The following DMD variants were observed in gnomAD, a reference collection of about 807,000 sequenced individuals.
DMD encodes the protein dystrophin, also known as mutant dystrophin.
DMD carries 63 observed loss-of-function variants against 330.1 expected under a neutral mutation model. The observed-to-expected ratio is 0.19, with a 90% CI of 0.16 to 0.24. The LOEUF (loss-of-function observed/expected upper bound fraction) is 0.24, where lower values mean the gene tolerates loss of function less well. Among genes scored for constraint, DMD ranks in the 10% least tolerant of loss-of-function variants. DMD has a pLI of 1.00. For synonymous variants in DMD, 1,223 were observed against 959.8 expected (o/e 1.27, Z -5.07); for missense variants, 3,344 against 2,684.1 (o/e 1.25, Z -5.43).
chrX:32,520,710 C>T (rs1335021969), intron 17 of DMD, among the ~76,000 whole-genome samples: 1 of 111,660 alleles, frequency 9.0e-6, no homozygotes, highest in Non-Finnish European at 1.9e-5. Flanking sequence ...TATTTCACTT[C>T]CCTACTTTGT....
intron 7 of DMD, among the ~76,000 whole-genome samples, chrX:32,792,990 C>A (rs1262923786): frequency 8.9e-6 from 1 of 112,244 alleles, no homozygotes; most frequent in East Asian, 2.8e-4. Context: ...ATTCCTTCAA[C>A]AGTCATACAC....
chrX:32,745,536 T>C (rs1480889065), intron 7 of DMD, among the ~76,000 whole-genome samples: 3 of 112,449 alleles, frequency 2.7e-5, no homozygotes, highest in South Asian at 3.6e-4. Context: ...GGTGAGACAC[T>C]GTAATGAGTT....
chrX:32,132,626 C>A (rs72626012), intron 44 of DMD, among the ~76,000 whole-genome samples: 7,892 of 110,940 alleles, frequency 0.071, 398 homozygotes, highest in Admixed American at 0.17. Flanking sequence ...CATCTTTTTT[C>A]ATCCTACTAA....
chrX:32,403,681 G>T (rs922699578), intron 30 of DMD, among the ~76,000 whole-genome samples: 1 of 111,550 alleles, frequency 9.0e-6, no homozygotes, highest in African/African-American at 3.3e-5. Flanking sequence ...GTTCTGTATA[G>T]CAACACATAG....
intron 42 of DMD, among the ~76,000 whole-genome samples, chrX:32,288,910 T>C (rs780795191): frequency 5.4e-5 from 6 of 111,346 alleles, no homozygotes; most frequent in Non-Finnish European, 1.1e-4. Flanking sequence ...CAGTGATCTC[T>C]GACTGCACCT....
intron 56 of DMD, among the ~76,000 whole-genome samples, chrX:31,505,710 T>C (rs758485791): frequency 2.7e-5 from 3 of 110,895 alleles, no homozygotes; most frequent in Non-Finnish European, 5.7e-5. Context: ...CTCGGCTCAC[T>C]GCAACCTCCA....
chrX:32,174,390 GACA>G (rs1202168453), intron 44 of DMD, among the ~76,000 whole-genome samples: 1 of 112,320 alleles, frequency 8.9e-6, no homozygotes, highest in Admixed American at 9.4e-5. Context: ...AGTGACTCCT[GACA>G]ACAACTGTTA....
intron 13 of DMD, among the ~76,000 whole-genome samples, chrX:32,582,000 G>A (rs1195880559): frequency 9.0e-6 from 1 of 111,568 alleles, no homozygotes; most frequent in Non-Finnish European, 1.9e-5. Flanking sequence ...TTGGCATCCG[G>A]TAGTGATAAA....
At chrX:31,776,548 C>T (rs1466250957) in intron 50 of DMD, among the ~76,000 whole-genome samples, 2 of 88,868 alleles carry the variant, frequency 2.3e-5, no homozygotes, top group East Asian at 4.1e-4. Flanking sequence ...CTGAAAAGCA[C>T]GTTTGGAAAA....
chrX:32,696,797 A>G (rs1474347021), intron 9 of DMD, among the ~76,000 whole-genome samples: 1 of 111,214 alleles, frequency 9.0e-6, no homozygotes, highest in Non-Finnish European at 1.9e-5. Context: ...TGATAAATTG[A>G]GTCTAGAGAG....
chrX:31,480,554 T>TTTTGTG (rs370327101), intron 57 of DMD, among the ~76,000 whole-genome samples: 1 of 91,336 alleles, frequency 1.1e-5, no homozygotes, highest in Admixed American at 1.2e-4. Flanking sequence ...ATCTCCATGT[T>TTTTGTG]TGTGTGTGTG....
chrX:31,173,713 T>C, intron 71 of DMD, 109 bp from the exon 72 acceptor site: 2 of 601,589 alleles, frequency 3.3e-6, no homozygotes, highest in Non-Finnish European at 5.3e-6. Context: ...ATTCTAATTC[T>C]ATGGATAATG....
At chrX:32,684,779 TC>T (rs2062728591) in intron 9 of DMD, among the ~76,000 whole-genome samples, 1 of 111,668 alleles carries the variant, frequency 9.0e-6, no homozygotes, top group Non-Finnish European at 1.9e-5. Context: ...TGGCTCATGT[TC>T]TTTATGAATT....
chrX:32,045,790 C>T (rs189494283), intron 44 of DMD, among the ~76,000 whole-genome samples: 2 of 112,193 alleles, frequency 1.8e-5, no homozygotes, highest in Admixed American at 1.9e-4. Context: ...AAATAATACA[C>T]TTTCCCTTAG....
intron 9 of DMD, among the ~76,000 whole-genome samples, chrX:32,680,556 T>C (rs779674572): frequency 8.9e-6 from 1 of 112,054 alleles, no homozygotes; most frequent in Non-Finnish European, 1.9e-5. Flanking sequence ...TTTAATTTAT[T>C]GAGAAAAACA....
At chrX:32,517,922 C>T (rs1460116176) in intron 18 of DMD, 86 bp downstream of exon 18, 2 of 989,111 alleles carry the variant, frequency 2.0e-6, no homozygotes, top group Non-Finnish European at 2.9e-6. Flanking sequence ...ATTAATCTAT[C>T]AACTAGTAGA....
intron 18 of DMD, chrX:32,517,633 C>T (rs1456304573): frequency 1.4e-5 from 3 of 210,781 alleles, no homozygotes; most frequent in African/African-American, 8.7e-5. Context: ...TTATATTATT[C>T]TATTCTATTT....
chrX:31,385,395 A>G (rs1418808208), intron 60 of DMD, among the ~76,000 whole-genome samples: 2 of 112,128 alleles, frequency 1.8e-5, no homozygotes, highest in Admixed American at 9.5e-5. Context: ...TTTTGGAAAC[A>G]TATTTGTTTC....
chrX:33,322,322 C>A (rs1228740536), intron 1 of DMD, among the ~76,000 whole-genome samples: 2 of 107,708 alleles, frequency 1.9e-5, no homozygotes, highest in East Asian at 2.9e-4. Flanking sequence ...GGGTTGTTAA[C>A]TGGCTTCATT....
Sources: gnomAD v4.1 joint callset for allele counts (sites outside exome capture counted in the v4.1 genomes callset) on GRCh38, gnomAD v4.1.1 for gene constraint, MANE v1.5 for transcripts, NCBI Gene and HGNC (gene_info 2026-07-23, HGNC 2026-07-21) for gene names.